RPS6KA1: variants seen among roughly 807,000 people sequenced by gnomAD.
RPS6KA1 encodes ribosomal protein S6 kinase alpha-1.
In RPS6KA1, 48 loss-of-function variants were observed where a neutral mutation model predicts 91.3. The observed-to-expected ratio is 0.53, with a 90% CI of 0.42 to 0.67. RPS6KA1 has a LOEUF of 0.67. Among genes scored for constraint, RPS6KA1 ranks in the 30% least tolerant of loss-of-function variants. The pLI is 0.00. For missense variants in RPS6KA1, 719 were observed against 960.5 expected, an observed-to-expected ratio of 0.75 and a Z score of 3.32; for synonymous variants, 359 against 384.7, an observed-to-expected ratio of 0.93 and a Z score of 0.78.
chr1:26,542,876 T>C (rs2075959269), intron 2 of RPS6KA1, among the ~76,000 whole-genome samples: 1 of 152,208 alleles, frequency 6.6e-6, no homozygotes, highest in African/African-American at 2.4e-5. Context: ...ACTGTGACAC[T>C]GCGTTATCGC....
At chr1:26,556,252 G>T (rs1311614622) in intron 11 of RPS6KA1, 2 of 239,398 alleles carry the variant, frequency 8.4e-6, no homozygotes, top group Non-Finnish European at 1.7e-5. Flanking sequence ...GGCCCCTGGG[G>T]TCGAATGGAG....
Position 26,560,733 on chromosome 1 carries a change from A to T in RPS6KA1, c.1223A>T (p.His408Leu). The change falls in exon 15 of 22, where the codon CAT becomes CTT. Residue 408 changes from histidine (H) to leucine (L), a missense_variant. Coordinates refer to ENST00000374168, the MANE Select transcript of RPS6KA1 (RefSeq NM_002953.4). ...APLHSVVQQL[H>L]GKNLVFSDGY... ...ATTTTTGGTCTCCTACAGCAACTCC[A>T]TGGGAAGAACCTGGTTTTTAGTGAC... is the stretch of plus-strand genomic sequence containing the variant. 2 of 1,614,150 alleles carry T rather than the reference A, an allele frequency of 1.2e-6. No individual in the cohort carries two copies. Among genetic ancestry groups the T allele is most frequent in the South Asian group, 2.2e-5 (2 of 91,080 alleles).
rs2076157646 is a variant in RPS6KA1, at chr1:26,561,944, T to G, written c.1590+281T>G. On this transcript the variant is annotated intron_variant, in intron 17 of 21. Transcript: ENST00000374168. The surrounding 1 kb of genome is among the most constrained non-coding windows in gnomAD (Gnocchi z 5.7). The stretch of plus-strand genomic sequence containing the variant: ...CAGACCAGGCATGGTAGCTCACGCC[T>G]GTAATCCCAGCAACTTGGGAGGGCA... Among the ~76,000 whole-genome samples the G allele has an allele frequency of 6.6e-6, 1 of 152,200 alleles. No individual in the cohort carries two copies. Among genetic ancestry groups the G allele is most frequent in the South Asian group, 2.1e-4 (1 of 4,826 alleles).
At chr1:26,536,310 G>A (rs2075906229) in intron 1 of RPS6KA1, among the ~76,000 whole-genome samples, 1 of 152,226 alleles carries the variant, frequency 6.6e-6, no homozygotes, top group South Asian at 2.1e-4. Flanking sequence ...GGGCAGGCCT[G>A]TGTGTAAATA....
rs1570453688 is a variant in RPS6KA1 at position 26,561,732 on chromosome 1, A to C, written c.1590+69A>C. 6 of 1,472,484 alleles carry C rather than the reference A, an allele frequency of 4.1e-6. No individual in the cohort carries two copies. The highest frequency in any genetic ancestry group is 5.5e-6 in the Non-Finnish European group (6 of 1,090,840). 91.2% of individuals were successfully genotyped at this position (1,472,484 alleles called of 1,614,324 possible). A position where few individuals can be genotyped will look rare whatever the true frequency, so the allele number is the denominator to read the frequency against. On this transcript the variant is annotated intron_variant, in intron 17 of 21. Coordinates refer to ENST00000374168, the MANE Select transcript of RPS6KA1 (RefSeq NM_002953.4). This position sits in a 1 kb window ranked among gnomAD's most constrained non-coding sequence, Gnocchi z 5.7. ...ATATCATCAGCAGAGAACATGAACC[A>C]CCTGCTGGCCCAGGAATGGCAGCCT...
chr1:26,560,083 A>G (rs2076140994), intron 14 of RPS6KA1, among the ~76,000 whole-genome samples: 1 of 152,214 alleles, frequency 6.6e-6, no homozygotes, highest in South Asian at 2.1e-4. Context: ...ATAAAATAAA[A>G]AATAAAGTTA....
chr1:26,531,050 C>G, intron 1 of RPS6KA1: 1 of 440,644 alleles, frequency 2.3e-6, no homozygotes, highest in Non-Finnish European at 3.3e-6. Flanking sequence ...TTACCTAGGG[C>G]AGCCACCAAG....
chr1:26,558,737 C>T lies in RPS6KA1; in HGVS notation c.1085-70C>T, dbSNP rs1473858050. 1.8e-5 allele frequency: 27 copies of T among 1,539,092 alleles called. No homozygotes were observed. Among genetic ancestry groups the T allele is most frequent in the Non-Finnish European group, 2.2e-5 (25 of 1,133,814 alleles). Reference sequence around the variant, plus strand: ...CAGGTCTGGAGGCCCTGTGCTCCCCCTTTGCTGGGCTGCCTCAGGGTCGAG... The same window carrying T: ...CAGGTCTGGAGGCCCTGTGCTCCCCTTTTGCTGGGCTGCCTCAGGGTCGAG... On this transcript the variant is annotated intron_variant, in intron 13 of 21. Coordinates refer to ENST00000374168, the MANE Select transcript of RPS6KA1 (RefSeq NM_002953.4). The surrounding 1 kb of genome is among the most constrained non-coding windows in gnomAD (Gnocchi z 4.0).
rs1157108272 is a variant in RPS6KA1, at chr1:26,561,712, A to C, written c.1590+49A>C. 6.5e-7 allele frequency: 1 copy of C among 1,532,856 alleles called. No individual in the cohort carries two copies. The highest frequency in any genetic ancestry group is 8.8e-7 in the Non-Finnish European group (1 of 1,135,140). The allele number at this position is 1,532,856 out of a possible 1,614,324, so 95.0% of individuals were successfully genotyped here. A position where few individuals can be genotyped will look rare whatever the true frequency, so the allele number is the denominator to read the frequency against. The stretch of plus-strand genomic sequence containing the variant: ...GTAGGGGGATGCCAAGGGTCATATC[A>C]TCAGCAGAGAACATGAACCACCTGC... On this transcript the variant is annotated intron_variant, in intron 17 of 21. Transcript: ENST00000374168. The surrounding 1 kb of genome is among the most constrained non-coding windows in gnomAD (Gnocchi z 5.7).
At chr1:26,556,950 G>A in intron 12 of RPS6KA1, 48 bp from the exon 13 acceptor site, 1 of 1,423,788 alleles carries the variant, frequency 7.0e-7, no homozygotes, top group Non-Finnish European at 9.9e-7. Flanking sequence ...GCTCCTGGTG[G>A]GCTGTTGAGG....
rs141320719 is a variant in RPS6KA1 at position 26,538,384 on chromosome 1, C to T, written c.108+1415C>T. 1.2e-3 allele frequency among the ~76,000 whole-genome samples: 188 copies of T among 152,322 alleles called. 2 individuals are homozygous for T. The highest frequency in any genetic ancestry group is 3.4e-3 in the Middle Eastern group (1 of 294). Reference sequence around the variant, plus strand: ...ATTTAGGGACCTGTGCTGAGTACAGCTTCTCACCTCAAGAACTGGAGGAGC... The same window carrying T: ...ATTTAGGGACCTGTGCTGAGTACAGTTTCTCACCTCAAGAACTGGAGGAGC... On this transcript the variant is annotated intron_variant, in intron 2 of 21. Coordinates refer to ENST00000374168, the MANE Select transcript of RPS6KA1 (RefSeq NM_002953.4).
Position 26,558,698 on chromosome 1 carries a change from G to A in RPS6KA1, c.1085-109G>A, listed in dbSNP as rs924417333. 7.4e-7 allele frequency: 1 copy of A among 1,348,052 alleles called. No homozygotes were observed. Among genetic ancestry groups the A allele is most frequent in the East Asian group, 2.3e-5 (1 of 42,628 alleles). The allele number at this position is 1,348,052 out of a possible 1,614,324, so 83.5% of individuals were successfully genotyped here. A position where few individuals can be genotyped will look rare whatever the true frequency, so the allele number is the denominator to read the frequency against. ...AGGCCCTCTGCAGGCTCCCGCCACG[G>A]CCAGCCCCTGAGGCAGGTCTGGAGG... On this transcript the variant is annotated intron_variant, in intron 13 of 21. Transcript: ENST00000374168. The surrounding 1 kb of genome is among the most constrained non-coding windows in gnomAD (Gnocchi z 4.0).
chr1:26,547,305 C>T lies in RPS6KA1; in HGVS notation c.307+35C>T. On this transcript the variant is annotated intron_variant, in intron 4 of 21. Transcript: ENST00000374168. The surrounding 1 kb of genome is among the most constrained non-coding windows in gnomAD (Gnocchi z 4.1). ...GACACCTCCCTGTGCAGAACCCAGGCTTGGCTGAGGGAGGCAGCCCAGACT... is the reference window on the plus strand; with the variant it reads ...GACACCTCCCTGTGCAGAACCCAGGTTTGGCTGAGGGAGGCAGCCCAGACT... 6.3e-7 allele frequency: 1 copy of T among 1,591,876 alleles called. No individual in the cohort carries two copies. Among genetic ancestry groups the T allele is most frequent in the South Asian group, 1.1e-5 (1 of 89,586 alleles).
chr1:26,560,438 C>A (rs2076143743), intron 14 of RPS6KA1, among the ~76,000 whole-genome samples: 1 of 152,200 alleles, frequency 6.6e-6, no homozygotes, highest in Non-Finnish European at 1.5e-5. Context: ...GAACTAAAGT[C>A]CTCTCCATGT....
In RPS6KA1 at chr1:26,547,497, T is replaced by C. The variant is rs1408505839; in HGVS notation, c.307+227T>C. 1.9e-6 allele frequency: 1 copy of C among 526,922 alleles called. No individual in the cohort carries two copies. The highest frequency in any genetic ancestry group is 3.3e-5 in the East Asian group (1 of 29,912). The allele number at this position is 526,922 out of a possible 1,614,324, so 32.6% of individuals were successfully genotyped here. On this transcript the variant is annotated intron_variant, in intron 4 of 21. Transcript: ENST00000374168. This position sits in a 1 kb window ranked among gnomAD's most constrained non-coding sequence, Gnocchi z 4.1. ...GAAGGTCTGGAAGGTGGTAATAGGG[T>C]AAATGCAATGTGTTTGTCAGGGGGC...
Position 26,547,369 on chromosome 1 carries a change from T to C in RPS6KA1, c.307+99T>C. ...GTCTGGCAAGGGAGACAGCTCTGTC[T>C]TCAGGAGCACCTAGTTCAAAGGTGG... is the stretch of plus-strand genomic sequence containing the variant. On this transcript the variant is annotated intron_variant, in intron 4 of 21. Coordinates refer to ENST00000374168, the MANE Select transcript of RPS6KA1 (RefSeq NM_002953.4). The surrounding 1 kb of genome is among the most constrained non-coding windows in gnomAD (Gnocchi z 4.1). 1 of 912,692 alleles carries C rather than the reference T, an allele frequency of 1.1e-6. No homozygotes were observed. Among genetic ancestry groups the C allele is most frequent in the Non-Finnish European group, 1.7e-6 (1 of 577,250 alleles). The allele number at this position is 912,692 out of a possible 1,614,324, so 56.5% of individuals were successfully genotyped here.
In RPS6KA1 at chr1:26,571,388, C is replaced by T. The variant is rs928912586; in HGVS notation, c.1591-61C>T. On this transcript the variant is annotated intron_variant, in intron 17 of 21. Transcript: ENST00000374168. The surrounding 1 kb of genome is among the most constrained non-coding windows in gnomAD (Gnocchi z 5.1). ...TGTGTAGCTTTCTAATCTCTGGCCGCTGACCTGGGCCACTAGCCACCTCCC... is the reference window on the plus strand; with the variant it reads ...TGTGTAGCTTTCTAATCTCTGGCCGTTGACCTGGGCCACTAGCCACCTCCC... The T allele has an allele frequency of 3.9e-6, 6 of 1,547,080 alleles. No individual in the cohort carries two copies. Among genetic ancestry groups the T allele is most frequent in the Non-Finnish European group, 5.3e-6 (6 of 1,123,880 alleles).
chr1:26,548,321 C>T (rs535995592), intron 4 of RPS6KA1, among the ~76,000 whole-genome samples: 8 of 152,180 alleles, frequency 5.3e-5, no homozygotes, highest in African/African-American at 7.2e-5. Flanking sequence ...GGATATCCGA[C>T]GCGCTGGGGA....
chr1:26,549,438 G>A (rs997518966), intron 4 of RPS6KA1, among the ~76,000 whole-genome samples: 1 of 151,848 alleles, frequency 6.6e-6, no homozygotes, highest in Non-Finnish European at 1.5e-5. Context: ...GCCAGGTTTG[G>A]TGTGTCTGTA....
Sources: gnomAD v4.1 joint callset for allele counts (sites outside exome capture counted in the v4.1 genomes callset) on GRCh38, gnomAD v4.1.1 for gene constraint, Gnocchi (gnomAD v3.1) non-coding constraint, MANE v1.5 for transcripts, NCBI Gene and HGNC (gene_info 2026-07-23, HGNC 2026-07-21) for gene names.